PLEKHG5: variants seen among roughly 807,000 people sequenced by gnomAD.
The protein encoded by PLEKHG5 is pleckstrin homology and RhoGEF domain containing G5, also known as pleckstrin homology domain-containing family G member 5.
A neutral mutation model predicts 103.8 loss-of-function variants in PLEKHG5; 52 were observed. That is an observed-to-expected ratio of 0.50 (90% CI 0.40 to 0.63). The LOEUF is 0.63. PLEKHG5 is among the 30% of genes least tolerant of loss of function. The probability of loss-of-function intolerance (pLI) is 0.00; values close to 1 mark genes in which losing one functional copy is unlikely to be tolerated. For synonymous variants in PLEKHG5, 592 were observed against 575.5 expected (o/e 1.03, Z -0.41); for missense variants, 1,205 against 1,347.6 (o/e 0.89, Z 1.66).
chr1:6,490,476 G>GTCTAAGGC lies in PLEKHG5; in HGVS notation c.-88+1153_-88+1160dup. 1.0e-6 allele frequency: 1 copy of GTCTAAGGC among 984,756 alleles called. No individual in the cohort carries two copies. Among genetic ancestry groups the GTCTAAGGC allele is most frequent in the Non-Finnish European group, 1.2e-6 (1 of 829,812 alleles). The allele number at this position is 984,756 out of a possible 1,614,324, so 61.0% of individuals were successfully genotyped here. ...ACAGGACCAGGGTCTCCTCCCCGGT[G>GTCTAAGGC]TCTAAGGCTCTAAGGCTCGGGCCGA... On this transcript the variant is annotated intron_variant, in intron 1 of 20. Coordinates refer to ENST00000377728, the MANE Select transcript of PLEKHG5 (RefSeq NM_020631.6). This position sits in a 1 kb window ranked among gnomAD's most constrained non-coding sequence, Gnocchi z 8.0.
At chr1:6,485,511 T>G in intron 1 of PLEKHG5, 2 of 1,228,908 alleles carry the variant, frequency 1.6e-6, no homozygotes, top group Non-Finnish European at 2.0e-6. Flanking sequence ...TTCCTGCCAT[T>G]GTGCGGCCGC....
intron 1 of PLEKHG5, chr1:6,506,035 C>T (rs1048486494): frequency 5.2e-5 from 8 of 152,602 alleles, no homozygotes; most frequent in African/African-American, 1.9e-4. Flanking sequence ...CCCCCGAGGT[C>T]CTCGATGATG....
chr1:6,519,831 T>A, exon 1 of PLEKHG5: 1 of 459,300 alleles, frequency 2.2e-6, no homozygotes, highest in South Asian at 2.1e-5. Context: ...CTTCTTGGAT[T>A]TTCCATTCCT....
chr1:6,510,992 G>A (rs1314130274), intron 1 of PLEKHG5, among the ~76,000 whole-genome samples: 1 of 152,202 alleles, frequency 6.6e-6, no homozygotes, highest in African/African-American at 2.4e-5. Flanking sequence ...AGGAGGCTGA[G>A]GCAGGAGAGT....
Position 6,470,978 on chromosome 1 carries a change from G to T in PLEKHG5, c.1392+12C>A, listed in dbSNP as rs748607324. On this transcript the variant is annotated intron_variant, in intron 13 of 20. Transcript: ENST00000377728. ...CCTCCTGCGCCCCCGCCCACGGCACGCGCGCCCTCACCGTGATGTAGGCCC... is the reference window on the plus strand; with the variant it reads ...CCTCCTGCGCCCCCGCCCACGGCACTCGCGCCCTCACCGTGATGTAGGCCC... The T allele has an allele frequency of 2.6e-6, 4 of 1,568,296 alleles. No individual in the cohort carries two copies. The African/African-American group carries it at 4.1e-5, about 16-fold the overall frequency.
intron 3 of PLEKHG5, 148 bp downstream of exon 3, chr1:6,475,783 G>A (rs1488366591): frequency 5.0e-6 from 4 of 806,368 alleles, no homozygotes; most frequent in African/African-American, 1.7e-5. Context: ...GCCTCTTCCC[G>A]GAGTCAGGAC....
chr1:6,471,194 C>T (rs1644574886), intron 12 of PLEKHG5, 94 bp from the exon 13 acceptor site: 3 of 1,012,588 alleles, frequency 3.0e-6, no homozygotes, highest in Non-Finnish European at 4.5e-6. Context: ...CCTTACTGCA[C>T]TTGGGCGACC....
Position 6,505,240 on chromosome 1 carries a change from AGTGCCGGTCAGCCCACT to A in PLEKHG5, c.-164-8688_-164-8672del, listed in dbSNP as rs1390515949. On this transcript the variant is annotated intron_variant, in intron 1 of 21. Coordinates refer to the PLEKHG5 transcript ENST00000377740. The surrounding 1 kb of genome is among the most constrained non-coding windows in gnomAD (Gnocchi z 4.2). ...TGACAGAGCTAGGTCCCCAGCCCAC[AGTGCCGGTCAGCCCACT>A]GTGCCGACCAGCCTACAGTACCGAC... Among the ~76,000 whole-genome samples, 1 of 152,094 alleles carries A rather than the reference AGTGCCGGTCAGCCCACT, an allele frequency of 6.6e-6. No individual in the cohort carries two copies. Among genetic ancestry groups the A allele is most frequent in the Non-Finnish European group, 1.5e-5 (1 of 68,010 alleles).
At position 6,474,488 on chromosome 1, in the gene PLEKHG5, C is replaced by T; in HGVS notation, c.402G>A (p.Glu134=). ...QSNTPLSLTF[E]AYRFGGHYLR... ...GGTAGTGTCCCCCGAACCTGTAGGC[C>T]TCGAAGGTGAGGGACAGGGGTGTGT... is the stretch of plus-strand genomic sequence containing the variant. The change falls in exon 6 of 21, where the codon GAG becomes GAA. Residue 134 remains glutamate, a synonymous_variant. Transcript: ENST00000377728. 1 of 1,613,992 alleles carries T rather than the reference C, an allele frequency of 6.2e-7. No individual in the cohort carries two copies. Among genetic ancestry groups the T allele is most frequent in the Non-Finnish European group, 8.5e-7 (1 of 1,180,004 alleles).
intron 1 of PLEKHG5, among the ~76,000 whole-genome samples, chr1:6,514,770 A>G (rs923396450): frequency 6.6e-6 from 1 of 151,614 alleles, no homozygotes; most frequent in Non-Finnish European, 1.5e-5. Context: ...TGAAGGAAAA[A>G]AAAAAAAAGA....
chr1:6,502,872 C>T (rs146023906), intron 1 of PLEKHG5, among the ~76,000 whole-genome samples: 164 of 152,340 alleles, frequency 1.1e-3, no homozygotes, highest in Middle Eastern at 3.4e-3. Flanking sequence ...GACCTGTTCA[C>T]GTGCTGTGAC....
At chr1:6,497,145 CG>C, upstream of PLEKHG5, 2 of 1,057,128 alleles carry the variant, frequency 1.9e-6, no homozygotes, top group Non-Finnish European at 1.4e-6. The surrounding 1 kb of genome is among the most constrained non-coding windows in gnomAD (Gnocchi z 6.1). Flanking sequence ...GGAGGAGAAG[CG>C]GGGTGCTGCC....
chr1:6,518,559 CAAAAAAAA>C (rs772093142), intron 1 of PLEKHG5, among the ~76,000 whole-genome samples: 2 of 68,098 alleles, frequency 2.9e-5, no homozygotes, highest in South Asian at 8.1e-4. Context: ...AACTCCATCC[CAAAAAAAA>C]AAAAAAAAGA....
At chr1:6,482,612 G>T (rs1478896437) in intron 1 of PLEKHG5, among the ~76,000 whole-genome samples, 1 of 152,238 alleles carries the variant, frequency 6.6e-6, no homozygotes, top group African/African-American at 2.4e-5. Context: ...TCAGAGAGGT[G>T]AAATGACTTG....
In PLEKHG5 at chr1:6,474,173, G is replaced by A. The variant is rs772633418; in HGVS notation, c.440-9C>T. ...TCCAGGCTTGGCTGGGGCTGCATGT[G>A]GGGGCCACGAGAGATCCTCAGTACC... On this transcript the variant is annotated splice_polypyrimidine_tract_variant and intron_variant, in intron 6 of 20. Coordinates refer to ENST00000377728, the MANE Select transcript of PLEKHG5 (RefSeq NM_020631.6). 25 of 1,613,058 alleles carry A rather than the reference G, an allele frequency of 1.5e-5. No individual in the cohort carries two copies. Among genetic ancestry groups the A allele is most frequent in the Non-Finnish European group, 2.0e-5 (24 of 1,179,842 alleles).
chr1:6,480,718 G>A (rs945800565), intron 1 of PLEKHG5, among the ~76,000 whole-genome samples: 12 of 150,968 alleles, frequency 7.9e-5, no homozygotes, highest in Non-Finnish European at 1.5e-4. Context: ...CCGCAATCTC[G>A]GCTCACTGCA....
chr1:6,474,978 C>G (rs1039493628), intron 5 of PLEKHG5, 69 bp downstream of exon 5: 146 of 953,268 alleles, frequency 1.5e-4, no homozygotes, highest in Non-Finnish European at 2.3e-4. Context: ...TGCAGAGACC[C>G]GGAGCCTGCA....
Position 6,471,497 on chromosome 1 carries a change from G to C in PLEKHG5, c.1272C>G (p.Gly424=). ...ALLQPGDFLK[G]FKMFGSLFKP... is the part of the protein sequence containing the mutation. ...CCGGCCCCGCCCGTACCATCTTGAAGCCTTTGAGGAAGTCCCCGGGCTGTA... is the reference window on the plus strand; with the variant it reads ...CCGGCCCCGCCCGTACCATCTTGAACCCTTTGAGGAAGTCCCCGGGCTGTA... Residue 424 remains glycine (G), a synonymous_variant, in exon 12 of 21, where the codon GGC becomes GGG. Transcript: ENST00000377728. 1.9e-6 allele frequency: 3 copies of C among 1,610,642 alleles called. No homozygotes were observed. The South Asian group carries it at 3.3e-5, about 18-fold the overall frequency.
chr1:6,467,405 G>A lies in PLEKHG5; in HGVS notation c.*158C>T, dbSNP rs939899786. The A allele has an allele frequency of 2.5e-5, 21 of 829,246 alleles. No homozygotes were observed. Among genetic ancestry groups the A allele is most frequent in the African/African-American group, 6.6e-5 (4 of 60,210 alleles). The allele number at this position is 829,246 out of a possible 1,614,324, so 51.4% of individuals were successfully genotyped here. On this transcript the variant is annotated 3_prime_UTR_variant, in exon 21 of 21. Coordinates refer to ENST00000377728, the MANE Select transcript of PLEKHG5 (RefSeq NM_020631.6). The stretch of plus-strand genomic sequence containing the variant: ...GGGCCTCCTCCACTCCATCCAGTCC[G>A]GCAAAGCGCAAATCGGGCCCGGGCG...
Sources: gnomAD v4.1 joint callset for allele counts (sites outside exome capture counted in the v4.1 genomes callset) on GRCh38, gnomAD v4.1.1 for gene constraint, Gnocchi (gnomAD v3.1) non-coding constraint, MANE v1.5 for transcripts, NCBI Gene and HGNC (gene_info 2026-07-23, HGNC 2026-07-21) for gene names.